USP32: variants seen among roughly 807,000 people sequenced by gnomAD.
USP32 encodes the protein ubiquitin specific peptidase 32.
Under a neutral mutation model 204.8 loss-of-function variants are expected in USP32, and 59 were observed. That is an observed-to-expected ratio of 0.29 (90% confidence interval 0.23 to 0.36). USP32 has a LOEUF of 0.36. Ranked by LOEUF, USP32 falls within the 10% of genes least tolerant of loss-of-function variation. The pLI is 1.00. For synonymous variants in USP32, 517 were observed against 678.4 expected (o/e 0.76, Z 3.70); for missense variants, 1,160 against 1,946.4 (o/e 0.60, Z 7.60).
intron 1 of USP32, among the ~76,000 whole-genome samples, chr17:60,389,167 T>C (rs995877441): frequency 6.6e-6 from 1 of 152,194 alleles, no homozygotes; most frequent in African/African-American, 2.4e-5. Context: ...AACAAGTAGA[T>C]GAAACCAATG....
intron 1 of USP32, among the ~76,000 whole-genome samples, chr17:60,347,575 G>A (rs529729370): frequency 2.3e-4 from 35 of 150,840 alleles, no homozygotes; most frequent in East Asian, 1.4e-3. Flanking sequence ...GGATGGTCTC[G>A]ATCTCCTAAC....
At chr17:60,222,068 T>C (rs976756338) in intron 15 of USP32, among the ~76,000 whole-genome samples, 1 of 152,212 alleles carries the variant, frequency 6.6e-6, no homozygotes, top group Non-Finnish European at 1.5e-5. Context: ...TTAGGAATAG[T>C]AGTTTCAGAA....
chr17:60,370,897 ACCAGC>A (rs1251575905), intron 1 of USP32, among the ~76,000 whole-genome samples: 1 of 151,716 alleles, frequency 6.6e-6, no homozygotes, highest in Non-Finnish European at 1.5e-5. Context: ...GGAGTTTGGG[ACCAGC>A]CTGAGCAACA....
intron 1 of USP32, among the ~76,000 whole-genome samples, chr17:60,359,634 G>C (rs2089159488): frequency 1.3e-5 from 2 of 151,964 alleles, no homozygotes; most frequent in South Asian, 4.1e-4. Context: ...CACACAGGGA[G>C]ACCCTGTCTC....
At chr17:60,414,205 A>T (rs1316852165) in intron 1 of USP32, among the ~76,000 whole-genome samples, 3 of 151,700 alleles carry the variant, frequency 2.0e-5, no homozygotes, top group Non-Finnish European at 2.9e-5. Context: ...TCTACTAAAA[A>T]TACAAAAATT....
chr17:60,391,843 G>T (rs772814237), intron 1 of USP32, 39 bp downstream of exon 1: 1 of 1,591,572 alleles, frequency 6.3e-7, no homozygotes, highest in Non-Finnish European at 8.6e-7. Context: ...GCCCGTCGCG[G>T]GCCTCCCAGG....
chr17:60,351,352 T>C (rs1467591205), intron 1 of USP32, among the ~76,000 whole-genome samples: 1 of 152,082 alleles, frequency 6.6e-6, no homozygotes, highest in East Asian at 1.9e-4. Flanking sequence ...TGCACCACTA[T>C]GTCAGGCCCT....
intron 27 of USP32, among the ~76,000 whole-genome samples, chr17:60,196,579 C>G (rs954701856): frequency 2.0e-5 from 3 of 152,138 alleles, no homozygotes; most frequent in African/African-American, 7.2e-5. Flanking sequence ...AATCCCAGCA[C>G]TTTGGGAGCC....
At chr17:60,241,399 T>C (rs955929941) in intron 11 of USP32, among the ~76,000 whole-genome samples, 3 of 152,320 alleles carry the variant, frequency 2.0e-5, no homozygotes, top group East Asian at 1.9e-4. Flanking sequence ...AACCAGACAA[T>C]GGCAAATATA....
intron 1 of USP32, among the ~76,000 whole-genome samples, chr17:60,413,876 G>GAAAAAAAAAA (rs753405307): frequency 4.2e-5 from 4 of 95,090 alleles, no homozygotes; most frequent in Non-Finnish European, 8.5e-5. Flanking sequence ...AAAAAAAAAA[G>GAAAAAAAAAA]AAAAAAAAAA....
At chr17:60,356,489 A>C (rs1316085107) in intron 1 of USP32, among the ~76,000 whole-genome samples, 1 of 152,186 alleles carries the variant, frequency 6.6e-6, no homozygotes, top group Non-Finnish European at 1.5e-5. Flanking sequence ...CACACACCCG[A>C]GTAGTATAGA....
At chr17:60,221,977 C>T (rs2145567960) in intron 15 of USP32, among the ~76,000 whole-genome samples, 1 of 152,164 alleles carries the variant, frequency 6.6e-6, no homozygotes, top group Admixed American at 6.5e-5. Context: ...TTATATGCCC[C>T]TCCTTCAAAA....
At chr17:60,284,295 C>G (rs2145835325) in intron 5 of USP32, among the ~76,000 whole-genome samples, 1 of 150,428 alleles carries the variant, frequency 6.6e-6, no homozygotes, top group East Asian at 1.9e-4. Context: ...CTCACTGCAA[C>G]CCCCGCCTCC....
rs749433707 is a variant in USP32, at chr17:60,352,877, G to C, written c.59-7269C>G. Among the ~76,000 whole-genome samples the C allele has an allele frequency of 1.1e-4, 17 of 152,058 alleles. 1 individual carries two copies. Among genetic ancestry groups the C allele is most frequent in the South Asian group, 4.1e-4 (2 of 4,824 alleles). On this transcript the variant is annotated intron_variant, in intron 1 of 33. Coordinates refer to ENST00000300896, the MANE Select transcript of USP32 (RefSeq NM_032582.4). ...TCAAGAGATAAACTCAACTGAACAG[G>C]GTTCACTGAATAATTAGCTGTCAAA...
intron 5 of USP32, among the ~76,000 whole-genome samples, chr17:60,276,394 C>T (rs148230590): frequency 1.3e-5 from 2 of 152,058 alleles, no homozygotes; most frequent in African/African-American, 4.8e-5. Flanking sequence ...AATTGAGATT[C>T]CTAAATAAGA....
intron 2 of USP32, among the ~76,000 whole-genome samples, chr17:60,319,122 C>T (rs2088053323): frequency 6.6e-6 from 1 of 152,000 alleles, no homozygotes; most frequent in Admixed American, 6.6e-5. Flanking sequence ...GTTAATGAGC[C>T]GAGTTTCTGT....
At chr17:60,329,823 T>C (rs917239414) in intron 2 of USP32, among the ~76,000 whole-genome samples, 4 of 152,212 alleles carry the variant, frequency 2.6e-5, no homozygotes, top group African/African-American at 7.2e-5. Context: ...TGCCAACACA[T>C]AGAATACCAA....
At chr17:60,211,550 T>C (rs2084967608) in intron 19 of USP32, 36 bp from the exon 20 acceptor site, 1 of 1,585,582 alleles carries the variant, frequency 6.3e-7, no homozygotes, top group Non-Finnish European at 8.5e-7. Flanking sequence ...AGCTTAGCTG[T>C]AGTAATATGC....
Position 60,213,675 on chromosome 17 carries a change from G to A in USP32, c.2023-13C>T, listed in dbSNP as rs1244595098. 2.9e-6 allele frequency: 3 copies of A among 1,021,726 alleles called. No individual in the cohort carries two copies. Among genetic ancestry groups the A allele is most frequent in the Non-Finnish European group, 2.8e-6 (2 of 709,422 alleles). 63.3% of individuals were successfully genotyped at this position (1,021,726 alleles called of 1,614,324 possible). ...GAGTAAGGTAGTTCTGTGTAAGGAGGAGGAAATGTTTTTGTTATTTGGTTA... is the reference window on the plus strand; with the variant it reads ...GAGTAAGGTAGTTCTGTGTAAGGAGAAGGAAATGTTTTTGTTATTTGGTTA... On this transcript the variant is annotated splice_polypyrimidine_tract_variant and intron_variant, in intron 17 of 33. Coordinates refer to ENST00000300896, the MANE Select transcript of USP32 (RefSeq NM_032582.4).
Sources: allele counts gnomAD v4.1 joint callset (sites outside exome capture counted in the v4.1 genomes callset), GRCh38; gene constraint gnomAD v4.1.1; transcripts MANE v1.5; gene names NCBI Gene and HGNC (gene_info 2026-07-23, HGNC 2026-07-21).